Variants in KIT observed in about 807,000 individuals in gnomAD.
KIT encodes the protein KIT proto-oncogene, receptor tyrosine kinase.
Under a neutral mutation model 105.7 loss-of-function variants are expected in KIT, and 16 were observed. The observed-to-expected ratio is 0.15, with a 90% CI of 0.10 to 0.23. KIT has a LOEUF of 0.23. KIT is among the 10% of genes least tolerant of loss of function. The pLI, the probability that KIT is intolerant of heterozygous loss-of-function variation, is 1.00. For synonymous variants in KIT, 438 were observed against 441.1 expected, an observed-to-expected ratio of 0.99 and a Z score of 0.09; for missense variants, 858 against 1,213.8, an observed-to-expected ratio of 0.71 and a Z score of 4.36.
intron 2 of KIT, among the ~76,000 whole-genome samples, chr4:54,697,254 A>G (rs1388890115): frequency 2.0e-5 from 3 of 152,224 alleles, no homozygotes; most frequent in Non-Finnish European, 2.9e-5. Flanking sequence ...TGGGAGATGC[A>G]TAATTTATCT....
intron 1 of KIT, among the ~76,000 whole-genome samples, chr4:54,683,340 A>G (rs1370848006): frequency 6.6e-6 from 1 of 152,156 alleles, no homozygotes; most frequent in Non-Finnish European, 1.5e-5. Context: ...CTTAAGAGCA[A>G]AAGTATGCAG....
intron 1 of KIT, among the ~76,000 whole-genome samples, chr4:54,690,229 T>C (rs1198639593): frequency 6.6e-6 from 1 of 152,064 alleles, no homozygotes; most frequent in Non-Finnish European, 1.5e-5. Context: ...TGGGTTTGAG[T>C]TTCTGCTTTC....
intron 1 of KIT, among the ~76,000 whole-genome samples, chr4:54,675,851 A>G (rs1029455953): frequency 6.6e-6 from 1 of 152,164 alleles, no homozygotes; most frequent in African/African-American, 2.4e-5. Flanking sequence ...GATGTAGTGC[A>G]CCAGATTGAG....
In KIT at chr4:54,700,042, T is replaced by C. The variant is rs1052564542; in HGVS notation, c.756+276T>C. ...ATGTTATTACTTCATGCTGTTTCTT[T>C]GAAAAACTGTTAGGGACTTAAAAAA... On this transcript the variant is annotated intron_variant, in intron 4 of 20. Coordinates refer to ENST00000288135, the MANE Select transcript of KIT (RefSeq NM_000222.3). 1.5e-4 allele frequency among the ~76,000 whole-genome samples: 23 copies of C among 152,226 alleles called. 1 individual carries two copies. The highest frequency in any genetic ancestry group is 1.4e-3 in the Admixed American group (22 of 15,282).
At chr4:54,678,787 C>CT (rs1272453692) in intron 1 of KIT, among the ~76,000 whole-genome samples, 1 of 152,118 alleles carries the variant, frequency 6.6e-6, no homozygotes, top group African/African-American at 2.4e-5. Context: ...TTTAAAGCTC[C>CT]TTTTTTGGAA....
intron 4 of KIT, 100 bp from the exon 5 acceptor site, chr4:54,703,624 A>C: frequency 1.1e-6 from 1 of 923,650 alleles, no homozygotes; most frequent in South Asian, 1.4e-5. Context: ...GTTAATATGG[A>C]GAAGTTAATT....
chr4:54,736,851 A>G, intron 19 of KIT, 31 bp downstream of exon 19: 1 of 1,528,326 alleles, frequency 6.5e-7, no homozygotes. Context: ...CCTTTAGGTC[A>G]CGTTTTCCCT....
In KIT at chr4:54,726,132, ATTGACCATGTCATTTC is replaced by A; in HGVS notation, c.1540+84_1540+99del. The A allele has an allele frequency of 3.5e-6, 4 of 1,130,418 alleles. No individual in the cohort carries two copies. The South Asian group carries it at 5.1e-5, about 14-fold the overall frequency. 70.0% of individuals were successfully genotyped at this position (1,130,418 alleles called of 1,614,324 possible). On this transcript the variant is annotated intron_variant, in intron 9 of 20. Coordinates refer to ENST00000288135, the MANE Select transcript of KIT (RefSeq NM_000222.3). The stretch of plus-strand genomic sequence containing the variant: ...GTCATGATTTTAAGTTCATTCCAAC[ATTGACCATGTCATTTC>A]TGGTAATACATGCATCACACCATAC...
chr4:54,663,498 G>A (rs1044491350), intron 1 of KIT, among the ~76,000 whole-genome samples: 18 of 151,902 alleles, frequency 1.2e-4, no homozygotes, highest in African/African-American at 3.6e-4. Context: ...AATTGAAAAC[G>A]TGTAAACAGA....
intron 1 of KIT, among the ~76,000 whole-genome samples, chr4:54,661,760 A>T (rs945139137): frequency 3.3e-5 from 5 of 152,232 alleles, no homozygotes; most frequent in Non-Finnish European, 5.9e-5. Flanking sequence ...CCTGGGGAAG[A>T]GTTAGAGGAG....
intron 1 of KIT, among the ~76,000 whole-genome samples, chr4:54,674,635 A>G (rs3796768): frequency 0.082 from 12,457 of 152,226 alleles, 614 homozygotes; most frequent in African/African-American, 0.14. Flanking sequence ...CTCAACTCAG[A>G]GGTAGCTGCT....
chr4:54,735,148 CTT>C (rs1401281929), intron 17 of KIT, among the ~76,000 whole-genome samples: 2 of 151,952 alleles, frequency 1.3e-5, no homozygotes, highest in Non-Finnish European at 2.9e-5. Flanking sequence ...GTTTTATCAC[CTT>C]TGTTAGTAAT....
intron 20 of KIT, 120 bp from the exon 21 acceptor site, chr4:54,738,309 A>C: frequency 1.6e-6 from 2 of 1,262,978 alleles, no homozygotes; most frequent in Non-Finnish European, 2.3e-6. Flanking sequence ...AGTTCTTGGA[A>C]ACCACTTCTC....
At chr4:54,658,670 G>A (rs1337320495) in intron 1 of KIT, among the ~76,000 whole-genome samples, 1 of 152,118 alleles carries the variant, frequency 6.6e-6, no homozygotes, top group East Asian at 1.9e-4. Flanking sequence ...GCCACCCGTG[G>A]AGACCAATCG....
intron 7 of KIT, among the ~76,000 whole-genome samples, chr4:54,722,766 TAG>T (rs769446901): frequency 5.1e-4 from 77 of 149,904 alleles, no homozygotes; most frequent in Non-Finnish European, 5.6e-4. Context: ...AATACCAAAT[TAG>T]AGCATTTCTG....
rs1457924024 is a variant in KIT, at chr4:54,658,667, G to T, written c.67+586G>T. On this transcript the variant is annotated intron_variant, in intron 1 of 20. Coordinates refer to ENST00000288135, the MANE Select transcript of KIT (RefSeq NM_000222.3). Reference sequence around the variant, plus strand: ...GCCGCCTCTGCTCGCGGCGCCACCCGTGGAGACCAATCGAAGGCTGCGGCG... The same window carrying T: ...GCCGCCTCTGCTCGCGGCGCCACCCTTGGAGACCAATCGAAGGCTGCGGCG... 3.9e-5 allele frequency among the ~76,000 whole-genome samples: 6 copies of T among 152,166 alleles called. No individual in the cohort carries two copies. In the East Asian group the frequency reaches 7.8e-4, roughly 20 times the overall value.
At position 54,729,457 on chromosome 4, in the gene KIT, A is replaced by C. The variant is rs1722448939; in HGVS notation, c.2113A>C (p.Asn705His). The stretch of plus-strand genomic sequence containing the variant: ...TCATGCAGAAGCTGCACTTTATAAG[A>C]ATCTTCTGCATTCAAAGGAGTCTTC... ...EDHAEAALYK[N>H]LLHSKESSCS... Residue 705 changes from asparagine to histidine, a missense_variant, in exon 14 of 21, where the codon AAT (asparagine) becomes CAT (histidine). Physicochemically the swap from Asn to His is moderately conservative, Grantham distance 68. Coordinates refer to ENST00000288135, the MANE Select transcript of KIT (RefSeq NM_000222.3). The C allele has an allele frequency of 6.2e-7, 1 of 1,613,580 alleles. No homozygotes were observed. The highest frequency in any genetic ancestry group is 8.5e-7 in the Non-Finnish European group (1 of 1,179,730).
At chr4:54,723,787 T>TA in intron 8 of KIT, 89 bp downstream of exon 8, 2 of 884,444 alleles carry the variant, frequency 2.3e-6, no homozygotes, top group Non-Finnish European at 3.8e-6. Flanking sequence ...TGATTTTTTT[T>TA]AAAAAAGCTT....
chr4:54,692,463 A>G (rs1719778029), intron 1 of KIT, among the ~76,000 whole-genome samples: 1 of 152,194 alleles, frequency 6.6e-6, no homozygotes, highest in African/African-American at 2.4e-5. Flanking sequence ...GTGTCTCAGG[A>G]AGTCAAGGAT....
Sources: allele counts gnomAD v4.1 joint callset (sites outside exome capture counted in the v4.1 genomes callset), GRCh38; gene constraint gnomAD v4.1.1; transcripts MANE v1.5; gene names NCBI Gene and HGNC (gene_info 2026-07-23, HGNC 2026-07-21).